Variants in PPM1G observed in about 807,000 individuals in gnomAD.
PPM1G encodes the protein protein phosphatase 1G.
Under a neutral mutation model 59.4 loss-of-function variants are expected in PPM1G, and 12 were observed. That is an observed-to-expected ratio of 0.20 (90% confidence interval 0.13 to 0.33). The LOEUF (loss-of-function observed/expected upper bound fraction) is 0.33. Ranked by LOEUF, PPM1G falls within the 10% of genes least tolerant of loss-of-function variation. The pLI is 1.00. For synonymous variants in PPM1G, 245 were observed against 251.9 expected, an observed-to-expected ratio of 0.97 and a Z score of 0.26; for missense variants, 392 against 681.3, an observed-to-expected ratio of 0.58 and a Z score of 4.73.
In PPM1G at chr2:27,381,661, A is replaced by G. The variant is rs774865320; in HGVS notation, c.1579T>C (p.Ser527Pro). The part of the protein sequence containing the change: ...SGKRKLEEVL[S>P]TEGAEENGNS... ...CCATTTTCTTCAGCCCCCTCAGTAGAGAGCACCTCCTCTAGTTTTCGCTTG... is the reference window on the plus strand; with the variant it reads ...CCATTTTCTTCAGCCCCCTCAGTAGGGAGCACCTCCTCTAGTTTTCGCTTG... Residue 527 changes from serine (S) to proline (P), a missense_variant, in exon 10 of 10, where the codon TCT becomes CCT. Transcript: ENST00000344034. 6.8e-6 allele frequency: 11 copies of G among 1,614,038 alleles called. 1 individual carries two copies. The highest frequency in any genetic ancestry group is 8.5e-6 in the Non-Finnish European group (10 of 1,180,022).
At chr2:27,393,582 T>A (rs1683972360) in intron 1 of PPM1G, among the ~76,000 whole-genome samples, 1 of 152,020 alleles carries the variant, frequency 6.6e-6, no homozygotes. Context: ...CGTCTCAACT[T>A]TTAATTATCA....
At chr2:27,391,734 TTC>T (rs1683910062) in intron 1 of PPM1G, among the ~76,000 whole-genome samples, 1 of 151,680 alleles carries the variant, frequency 6.6e-6, no homozygotes, top group South Asian at 2.1e-4. Context: ...CTTTTTTTCT[TTC>T]TTTTTTTTTT....
At chr2:27,408,557 A>G (rs1346899966) in intron 1 of PPM1G, among the ~76,000 whole-genome samples, 1 of 152,236 alleles carries the variant, frequency 6.6e-6, no homozygotes, top group Non-Finnish European at 1.5e-5. Context: ...TGATGAAATG[A>G]CTTACAATCA....
In PPM1G at chr2:27,385,993, TCA is replaced by T. The variant is rs1191285577; in HGVS notation, c.277-116_277-115del. On this transcript the variant is annotated intron_variant, in intron 3 of 9. Transcript: ENST00000344034. This position sits in a 1 kb window ranked among gnomAD's most constrained non-coding sequence, Gnocchi z 4.1. ...TGTGAGCCACCACACTAAGAGACAC[TCA>T]CAGATAAAAACAGCTCAGAGGCCTA... is the stretch of plus-strand genomic sequence containing the variant. 5.0e-6 allele frequency: 7 copies of T among 1,394,458 alleles called. 1 individual carries two copies. The Admixed American group carries it at 9.7e-5, about 19-fold the overall frequency. 86.4% of individuals were successfully genotyped at this position (1,394,458 alleles called of 1,614,324 possible). A position where few individuals can be genotyped will look rare whatever the true frequency, so the allele number is the denominator to read the frequency against.
chr2:27,400,138 T>C (rs576774100), intron 1 of PPM1G, among the ~76,000 whole-genome samples: 8 of 152,180 alleles, frequency 5.3e-5, no homozygotes, highest in Non-Finnish European at 1.2e-4. Context: ...GGTTCATGCC[T>C]GTAATCCCAG....
rs1283586553 is a variant in PPM1G at position 27,383,484 on chromosome 2, G to A, written c.1083C>T (p.Asp361=). ...CVVSEAGKAL[D]MSYDHKPEDE... ...CCTCTGGTTTGTGATCATAGGACAT[G>A]TCTAAAGCTTTGCCAGCCTCAGATA... The change falls in exon 7 of 10, where the codon GAC becomes GAT. Residue 361 remains aspartate (D), a synonymous_variant. Coordinates refer to ENST00000344034, the MANE Select transcript of PPM1G (RefSeq NM_177983.3). This position sits in a 1 kb window ranked among gnomAD's most constrained non-coding sequence, Gnocchi z 5.0. The A allele has an allele frequency of 1.2e-6, 2 of 1,614,066 alleles. No homozygotes were observed. Among genetic ancestry groups the A allele is most frequent in the Non-Finnish European group, 1.7e-6 (2 of 1,180,040 alleles).
chr2:27,406,596 C>T (rs749100948), intron 1 of PPM1G, among the ~76,000 whole-genome samples: 1 of 152,270 alleles, frequency 6.6e-6, no homozygotes. Context: ...GATCTCTACA[C>T]ACTAAACCGT....
intron 2 of PPM1G, 126 bp from the exon 3 acceptor site, chr2:27,386,405 A>C (rs1385010586): frequency 1.6e-6 from 1 of 643,642 alleles, no homozygotes; most frequent in East Asian, 2.6e-5. Flanking sequence ...AGCACCCCTG[A>C]ACCCTATTTG....
chr2:27,382,376 G>A lies in PPM1G; in HGVS notation c.1331+100C>T. On this transcript the variant is annotated intron_variant, in intron 8 of 9. Coordinates refer to ENST00000344034, the MANE Select transcript of PPM1G (RefSeq NM_177983.3). The surrounding 1 kb of genome is among the most constrained non-coding windows in gnomAD (Gnocchi z 4.2). Reference sequence around the variant, plus strand: ...CTGGGTGCTCTTCACCCACCAAGAGGCCTAGGTCTGCCTAGGCTCTAATCC... The same window carrying A: ...CTGGGTGCTCTTCACCCACCAAGAGACCTAGGTCTGCCTAGGCTCTAATCC... The A allele has an allele frequency of 1.3e-6, 2 of 1,570,460 alleles. No homozygotes were observed. Among genetic ancestry groups the A allele is most frequent in the Admixed American group, 3.5e-5 (2 of 56,350 alleles).
At chr2:27,386,962 G>C (rs764136439) in intron 2 of PPM1G, 127 bp downstream of exon 2, 168 of 685,970 alleles carry the variant, frequency 2.4e-4, no homozygotes, top group Admixed American at 9.6e-4. Context: ...CAGAAAAACA[G>C]CACCACGCAG....
chr2:27,404,437 C>A (rs1342955182), intron 1 of PPM1G, among the ~76,000 whole-genome samples: 1 of 151,648 alleles, frequency 6.6e-6, no homozygotes, highest in Non-Finnish European at 1.5e-5. Flanking sequence ...GTAATCCCAG[C>A]TATTTGGAAG....
rs1683715929 is a variant in PPM1G, at chr2:27,384,558, G to T, written c.825+115C>A. On this transcript the variant is annotated intron_variant, in intron 5 of 9. Transcript: ENST00000344034. This position sits in a 1 kb window ranked among gnomAD's most constrained non-coding sequence, Gnocchi z 4.8. ...CAAGACTAAAGCTTAGAATACAGTG[G>T]GTCTTGGGGGATGATGTCAAAATAG... 1 of 1,247,496 alleles carries T rather than the reference G, an allele frequency of 8.0e-7. No individual in the cohort carries two copies. The allele number at this position is 1,247,496 out of a possible 1,614,324, so 77.3% of individuals were successfully genotyped here.
intron 1 of PPM1G, among the ~76,000 whole-genome samples, chr2:27,406,935 A>G (rs1663384558): frequency 6.6e-6 from 1 of 151,616 alleles, no homozygotes; most frequent in African/African-American, 2.4e-5. Context: ...AGACTTTCCT[A>G]CGAAACTATA....
chr2:27,404,276 G>A (rs540386488), intron 1 of PPM1G, among the ~76,000 whole-genome samples: 9 of 151,846 alleles, frequency 5.9e-5, no homozygotes, highest in African/African-American at 2.2e-4. Context: ...GGCCGGGCAC[G>A]GTAGCTCACA....
Position 27,393,481 on chromosome 2 carries a change from G to C in PPM1G, c.121-6323C>G. On this transcript the variant is annotated intron_variant, in intron 1 of 9. Coordinates refer to ENST00000344034, the MANE Select transcript of PPM1G (RefSeq NM_177983.3). The stretch of plus-strand genomic sequence containing the variant: ...ATGGTGAAGAGGTGACGGAGGGCTG[G>C]CTATGGGCGGCCGGCCGGGGTGCAG... 6.7e-6 allele frequency: 5 copies of C among 751,456 alleles called. No individual in the cohort carries two copies. In the South Asian group the frequency reaches 7.3e-5, roughly 11 times the overall value. 46.5% of individuals were successfully genotyped at this position (751,456 alleles called of 1,614,324 possible).
At chr2:27,409,180 C>T (rs1238687439) in intron 1 of PPM1G, 123 bp downstream of exon 1, 20 of 1,345,852 alleles carry the variant, frequency 1.5e-5, no homozygotes, top group African/African-American at 4.6e-5. Context: ...GCCCCGCAAA[C>T]GGCCGCTGCG....
intron 1 of PPM1G, among the ~76,000 whole-genome samples, chr2:27,396,237 A>C (rs1251400855): frequency 6.6e-6 from 1 of 152,038 alleles, no homozygotes; most frequent in Non-Finnish European, 1.5e-5. Flanking sequence ...GTGCCACTGC[A>C]CTCCAGCCTG....
chr2:27,404,774 C>A (rs900051532), intron 1 of PPM1G, among the ~76,000 whole-genome samples: 18 of 151,544 alleles, frequency 1.2e-4, no homozygotes, highest in Non-Finnish European at 2.2e-4. Context: ...GAAACCCTGT[C>A]TCTATTGAAA....
chr2:27,404,321 G>C (rs148593383), intron 1 of PPM1G, among the ~76,000 whole-genome samples: 522 of 152,056 alleles, frequency 3.4e-3, no homozygotes, highest in Non-Finnish European at 5.8e-3. Context: ...GCCGAGGCAG[G>C]TGGATCACAA....
Sources: allele counts gnomAD v4.1 joint callset (sites outside exome capture counted in the v4.1 genomes callset), GRCh38; gene constraint gnomAD v4.1.1; non-coding constraint Gnocchi (gnomAD v3.1); transcripts MANE v1.5; gene names NCBI Gene and HGNC (gene_info 2026-07-23, HGNC 2026-07-21).